Variants in CTNNA2 observed in about 807,000 individuals in gnomAD.
CTNNA2 encodes catenin alpha 2, also known as catenin alpha-2.
CTNNA2 carries 42 observed loss-of-function variants against 101.0 expected under a neutral mutation model. The ratio of observed to expected loss-of-function variants is 0.42; its 90% CI spans 0.32 to 0.54. The LOEUF is 0.54. Ranked by LOEUF, CTNNA2 falls within the 20% of genes least tolerant of loss-of-function variation. The pLI, the probability that CTNNA2 is intolerant of heterozygous loss-of-function variation, is 0.14. For synonymous variants in CTNNA2, 450 were observed against 456.4 expected (o/e 0.99, Z 0.18); for missense variants, 871 against 1,223.1 (o/e 0.71, Z 4.29).
chr2:80,275,989 G>T (rs1405430356), intron 7 of CTNNA2, among the ~76,000 whole-genome samples: 2 of 151,898 alleles, frequency 1.3e-5, no homozygotes, highest in Non-Finnish European at 2.9e-5. Context: ...CATCCTTTGG[G>T]ATGCTAAATA....
At chr2:80,068,799 A>T (rs777567946) in intron 7 of CTNNA2, among the ~76,000 whole-genome samples, 1 of 152,218 alleles carries the variant, frequency 6.6e-6, no homozygotes, top group African/African-American at 2.4e-5. Flanking sequence ...CACCACAGAC[A>T]TCTCACATGT....
chr2:80,242,026 T>C (rs1372802515), intron 7 of CTNNA2, among the ~76,000 whole-genome samples: 1 of 152,160 alleles, frequency 6.6e-6, no homozygotes, highest in Non-Finnish European at 1.5e-5. Context: ...AAAGAATGTT[T>C]TAGCAATATT....
chr2:79,461,943 A>G (rs879598148), intron 4 of CTNNA2, among the ~76,000 whole-genome samples: 1 of 152,038 alleles, frequency 6.6e-6, no homozygotes, highest in South Asian at 2.1e-4. Context: ...CAGTAGCAAA[A>G]ATTTTTTAAT....
intron 9 of CTNNA2, among the ~76,000 whole-genome samples, chr2:80,544,371 T>C (rs962237315): frequency 6.6e-6 from 1 of 152,094 alleles, no homozygotes; most frequent in African/African-American, 2.4e-5. Flanking sequence ...AATTTGAATG[T>C]CTTTATACTA....
At chr2:79,311,787 G>T (rs1573064967) in intron 2 of CTNNA2, among the ~76,000 whole-genome samples, 1 of 152,158 alleles carries the variant, frequency 6.6e-6, no homozygotes, top group African/African-American at 2.4e-5. Context: ...TGCCTCATTT[G>T]CAGAAGCAGT....
intron 7 of CTNNA2, among the ~76,000 whole-genome samples, chr2:80,320,761 G>A (rs977707287): frequency 2.0e-5 from 3 of 152,112 alleles, no homozygotes; most frequent in African/African-American, 7.2e-5. Context: ...ATTTTAAAAA[G>A]CTGTTTTTAC....
At chr2:80,274,430 G>A (rs542040287) in intron 7 of CTNNA2, among the ~76,000 whole-genome samples, 4 of 152,262 alleles carry the variant, frequency 2.6e-5, no homozygotes, top group African/African-American at 9.6e-5. Flanking sequence ...AGCCCAGTTC[G>A]CTCTGGGCTG....
At chr2:79,688,169 A>C (rs1273372687) in intron 2 of CTNNA2, among the ~76,000 whole-genome samples, 1 of 152,100 alleles carries the variant, frequency 6.6e-6, no homozygotes, top group Non-Finnish European at 1.5e-5. Context: ...TTTTCTAGAA[A>C]TATGAAGTTT....
intron 3 of CTNNA2, among the ~76,000 whole-genome samples, chr2:79,815,604 G>T (rs1677426498): frequency 6.6e-6 from 1 of 152,106 alleles, no homozygotes; most frequent in East Asian, 1.9e-4. Flanking sequence ...TCTCTATTCT[G>T]TTCCATTGGT....
chr2:79,499,741 C>T (rs1671299402), intron 4 of CTNNA2, among the ~76,000 whole-genome samples: 1 of 152,226 alleles, frequency 6.6e-6, no homozygotes, highest in Non-Finnish European at 1.5e-5. Flanking sequence ...ACATTTGCTA[C>T]TGCATAGGCC....
intron 7 of CTNNA2, among the ~76,000 whole-genome samples, chr2:80,345,009 G>T (rs1010779841): frequency 2.0e-5 from 3 of 152,102 alleles, no homozygotes; most frequent in African/African-American, 7.2e-5. Context: ...CCATCATTTT[G>T]CATCAGAATT....
At chr2:79,746,238 C>A (rs1367836601) in intron 3 of CTNNA2, among the ~76,000 whole-genome samples, 1 of 152,078 alleles carries the variant, frequency 6.6e-6, no homozygotes, top group Non-Finnish European at 1.5e-5. Context: ...TTGCCCATTT[C>A]TGAATCAAGT....
intron 7 of CTNNA2, among the ~76,000 whole-genome samples, chr2:80,339,647 A>G (rs1672055987): frequency 2.0e-5 from 3 of 152,138 alleles, no homozygotes; most frequent in African/African-American, 7.2e-5. Flanking sequence ...AATACCTACC[A>G]TGGGTTTGGT....
chr2:79,363,953 T>C (rs1376576218), intron 3 of CTNNA2, among the ~76,000 whole-genome samples: 3 of 152,156 alleles, frequency 2.0e-5, no homozygotes, highest in Non-Finnish European at 4.4e-5. Context: ...TAACTCCTGA[T>C]TGGTAAAGCT....
intron 2 of CTNNA2, among the ~76,000 whole-genome samples, chr2:79,716,004 C>A (rs1686072112): frequency 6.6e-6 from 1 of 151,338 alleles, no homozygotes; most frequent in Non-Finnish European, 1.5e-5. Context: ...TATATACAGC[C>A]AGTTAATCGA....
intron 7 of CTNNA2, among the ~76,000 whole-genome samples, chr2:80,206,071 G>C (rs2149027176): frequency 6.6e-6 from 1 of 152,266 alleles, no homozygotes; most frequent in East Asian, 1.9e-4. Flanking sequence ...TTTCACAGCT[G>C]CCATAATACT....
chr2:80,359,991 A>G (rs1329524457), intron 7 of CTNNA2, among the ~76,000 whole-genome samples: 1 of 152,168 alleles, frequency 6.6e-6, no homozygotes, highest in Non-Finnish European at 1.5e-5. Context: ...CTAACATCTT[A>G]ATGAAATTGA....
chr2:79,807,625 G>A (rs913183260), intron 3 of CTNNA2, among the ~76,000 whole-genome samples: 3 of 152,164 alleles, frequency 2.0e-5, no homozygotes, highest in East Asian at 1.9e-4. Context: ...AGTTATTAAA[G>A]TTTCTTTTCA....
intron 3 of CTNNA2, among the ~76,000 whole-genome samples, chr2:79,837,086 G>A (rs1679426454): frequency 6.6e-6 from 1 of 152,204 alleles, no homozygotes; most frequent in African/African-American, 2.4e-5. Context: ...ATCTGTGTGA[G>A]TCAGGGTTAT....
Sources: allele counts gnomAD v4.1 joint callset (sites outside exome capture counted in the v4.1 genomes callset), GRCh38; gene constraint gnomAD v4.1.1; transcripts MANE v1.5; gene names NCBI Gene and HGNC (gene_info 2026-07-23, HGNC 2026-07-21).